The following PCDHGA1 variants were observed in gnomAD, a reference collection of about 807,000 sequenced individuals.
PCDHGA1 encodes the protein protocadherin gamma-A1.
A neutral mutation model predicts 58.0 loss-of-function variants in PCDHGA1; 32 were observed. That is an observed-to-expected ratio of 0.55 (90% confidence interval 0.42 to 0.74). The LOEUF (loss-of-function observed/expected upper bound fraction) is 0.74. Ranked by LOEUF, PCDHGA1 falls within the 30% of genes least tolerant of loss-of-function variation. The pLI is 0.00. For missense variants in PCDHGA1, 1,205 were observed against 1,182.3 expected (o/e 1.02, Z -0.28); for synonymous variants, 498 against 501.1 (o/e 0.99, Z 0.08).
intron 1 of PCDHGA1, chr5:141,387,690 C>A: frequency 1.2e-6 from 1 of 833,028 alleles, no homozygotes; most frequent in Non-Finnish European, 1.8e-6. Context: ...AGCCGCAGCG[C>A]GCTTTCCAGG....
intron 1 of PCDHGA1, chr5:141,393,499 A>T: frequency 6.2e-7 from 1 of 1,614,008 alleles, no homozygotes; most frequent in South Asian, 1.1e-5. Context: ...GTGCGCATCC[A>T]CGTGACAGTG....
chr5:141,432,793 C>T lies in PCDHGA1; in HGVS notation c.2422-62014C>T. 6.2e-7 allele frequency: 1 copy of T among 1,614,150 alleles called. No individual in the cohort carries two copies. Among genetic ancestry groups the T allele is most frequent in the Admixed American group, 1.7e-5 (1 of 60,032 alleles). ...AAGTCCTGGCGGACCTCGGCAGCCT[C>T]GAGTCTCCAGCTAACTCTGAAACCT... On this transcript the variant is annotated intron_variant, in intron 1 of 3. Transcript: ENST00000517417. The surrounding 1 kb of genome is among the most constrained non-coding windows in gnomAD (Gnocchi z 6.0).
At chr5:141,501,329 ACACACC>A (rs1456568693) in intron 2 of PCDHGA1, among the ~76,000 whole-genome samples, 16 of 148,226 alleles carry the variant, frequency 1.1e-4, no homozygotes, top group Non-Finnish European at 2.2e-4. Context: ...ACACACACAC[ACACACC>A]CCAAACTCAA....
chr5:141,495,726 C>T (rs2099763293), intron 2 of PCDHGA1, among the ~76,000 whole-genome samples: 1 of 152,070 alleles, frequency 6.6e-6, no homozygotes, highest in Non-Finnish European at 1.5e-5. Flanking sequence ...ACACGGGACC[C>T]TTAGTCTCTT....
chr5:141,478,599 T>A, intron 1 of PCDHGA1: 1 of 1,565,814 alleles, frequency 6.4e-7, no homozygotes, highest in Non-Finnish European at 8.7e-7. Flanking sequence ...TATTCCTACA[T>A]CATATTGAGG....
At chr5:141,412,922 A>G in intron 1 of PCDHGA1, 1 of 420,478 alleles carries the variant, frequency 2.4e-6, no homozygotes, top group Non-Finnish European at 4.2e-6. Flanking sequence ...ACTTGGGTGC[A>G]GTAACTTCTT....
chr5:141,384,491 G>A (rs1370590293), intron 1 of PCDHGA1: 7 of 1,614,160 alleles, frequency 4.3e-6, no homozygotes, highest in East Asian at 4.5e-5. Flanking sequence ...CTACAACTAA[G>A]AGTGACTGCA....
rs543366398 is a variant in PCDHGA1 at position 141,390,062 on chromosome 5, G to A, written c.2421+56957G>A. On this transcript the variant is annotated intron_variant, in intron 1 of 3. Coordinates refer to ENST00000517417, the MANE Select transcript of PCDHGA1 (RefSeq NM_018912.3). ...GCCCCGCCTCCTGGAGCTGCTTCCAGCCTGGTCTCTGTGTTAAATCCGAAT... is the reference window on the plus strand; with the variant it reads ...GCCCCGCCTCCTGGAGCTGCTTCCAACCTGGTCTCTGTGTTAAATCCGAAT... 101 of 1,614,064 alleles carry A rather than the reference G, an allele frequency of 6.3e-5. 1 individual carries two copies. The Admixed American group carries it at 8.2e-4, about 13-fold the overall frequency.
At chr5:141,429,388 A>T (rs6890453) in intron 1 of PCDHGA1, among the ~76,000 whole-genome samples, 24,714 of 140,916 alleles carry the variant, frequency 0.18, 2,276 homozygotes, top group African/African-American at 0.28. Flanking sequence ...TTTTTTTTTT[A>T]AAAAAAATTG....
intron 1 of PCDHGA1, chr5:141,371,427 C>T (rs773502490): frequency 1.1e-5 from 17 of 1,613,780 alleles, no homozygotes; most frequent in African/African-American, 1.3e-5. Flanking sequence ...TGACAATGCC[C>T]CGGAGATAAC....
intron 1 of PCDHGA1, chr5:141,366,223 C>A: frequency 1.1e-5 from 17 of 1,613,836 alleles, no homozygotes; most frequent in Non-Finnish European, 1.4e-5. Context: ...CAGCGCGAGC[C>A]CTGCTGGACA....
chr5:141,422,062 A>C, intron 1 of PCDHGA1: 4 of 1,612,140 alleles, frequency 2.5e-6, no homozygotes, highest in Non-Finnish European at 3.4e-6. Context: ...CGGGGAAGTA[A>C]TGTATTCATT....
At chr5:141,365,821 G>T (rs756787528) in intron 1 of PCDHGA1, 1 of 1,613,908 alleles carries the variant, frequency 6.2e-7, no homozygotes, top group East Asian at 2.2e-5. Flanking sequence ...ACACATTTCA[G>T]GGGGCGCCCT....
intron 2 of PCDHGA1, among the ~76,000 whole-genome samples, chr5:141,502,832 G>T (rs1266910323): frequency 6.6e-6 from 1 of 150,516 alleles, no homozygotes; most frequent in Non-Finnish European, 1.5e-5. Context: ...GGGGAAGCCT[G>T]GACTGGCTGA....
At chr5:141,424,746 T>TTA (rs1392854638) in intron 1 of PCDHGA1, 1 of 152,214 alleles carries the variant, frequency 6.6e-6, no homozygotes, top group Non-Finnish European at 1.5e-5. Flanking sequence ...CTTTCTTTCT[T>TTA]TATAAGGTCA....
At chr5:141,356,666 A>T in intron 1 of PCDHGA1, 1 of 1,613,844 alleles carries the variant, frequency 6.2e-7, no homozygotes, top group Non-Finnish European at 8.5e-7. Flanking sequence ...CGAATCACTT[A>T]CTCCCTGGCC....
rs746548099 is a variant in PCDHGA1 at position 141,331,195 on chromosome 5, C to T, written c.511C>T (p.Gln171Ter). 15 of 1,613,950 alleles carry T rather than the reference C, an allele frequency of 9.3e-6. No individual in the cohort carries two copies. Among genetic ancestry groups the T allele is most frequent in the Middle Eastern group, 1.6e-4 (1 of 6,084 alleles). The part of the protein sequence containing the change: ...DVGMNSLQSY[Q>*]LSSNPHFSLD... ...GGGTATGAACTCACTCCAGAGCTAC[C>T]AACTCAGCTCTAACCCTCATTTCTC... The change falls in exon 1 of 4, where the codon CAA becomes TAA. Residue 171 changes from glutamine to a stop codon, truncating the protein, a stop_gained. Coordinates refer to ENST00000517417, the MANE Select transcript of PCDHGA1 (RefSeq NM_018912.3). LOFTEE classifies it high-confidence loss of function.
chr5:141,422,633 G>T lies in PCDHGA1; in HGVS notation c.2422-72174G>T, dbSNP rs769515606. 10 of 1,613,120 alleles carry T rather than the reference G, an allele frequency of 6.2e-6. No individual in the cohort carries two copies. In the East Asian group the frequency reaches 2.0e-4, roughly 32 times the overall value. ...TACATTCCCGAAAACAACCCCAGGG[G>T]TGCCTCCATCTTCTCAGTGACCGCC... On this transcript the variant is annotated intron_variant, in intron 1 of 3. Coordinates refer to ENST00000517417, the MANE Select transcript of PCDHGA1 (RefSeq NM_018912.3).
At chr5:141,433,398 T>TCTAC (rs1487149690) in intron 1 of PCDHGA1, among the ~76,000 whole-genome samples, 2 of 151,396 alleles carry the variant, frequency 1.3e-5, no homozygotes, top group Non-Finnish European at 2.9e-5. Context: ...TATCTATCTA[T>TCTAC]CTATCTATTA....
Sources: gnomAD v4.1 joint callset for allele counts (sites outside exome capture counted in the v4.1 genomes callset) on GRCh38, gnomAD v4.1.1 for gene constraint, Gnocchi (gnomAD v3.1) non-coding constraint, MANE v1.5 for transcripts, NCBI Gene and HGNC (gene_info 2026-07-23, HGNC 2026-07-21) for gene names.